The following CSMD2 variants were observed in gnomAD, a reference collection of about 807,000 sequenced individuals.
CSMD2 encodes the protein CUB and sushi domain-containing protein 2.
In CSMD2, 130 loss-of-function variants were observed where a neutral mutation model predicts 398.5. The ratio of observed to expected loss-of-function variants is 0.33; its 90% CI spans 0.28 to 0.38. The LOEUF is 0.38. Among genes scored for constraint, CSMD2 ranks in the 10% least tolerant of loss-of-function variants. CSMD2 has a pLI of 1.00. For missense variants in CSMD2, 3,829 were observed against 4,764.9 expected (o/e 0.80, Z 5.78); for synonymous variants, 1,828 against 1,908.5 (o/e 0.96, Z 1.10).
intron 3 of CSMD2, among the ~76,000 whole-genome samples, chr1:34,002,871 G>A (rs1189464428): frequency 6.6e-6 from 1 of 152,212 alleles, no homozygotes; most frequent in African/African-American, 2.4e-5. Context: ...TTTGCAAACA[G>A]TATTTGTAAT....
rs772494513 is a variant in CSMD2 at position 33,519,973 on chromosome 1, A to G, written c.10598-23T>C. Reference sequence around the variant, plus strand: ...GGTCTGTAAAGTCCCAAAGCAGAAAAGTCAAGTCACGAGACACAGTCTGAG... The same window carrying G: ...GGTCTGTAAAGTCCCAAAGCAGAAAGGTCAAGTCACGAGACACAGTCTGAG... On this transcript the variant is annotated intron_variant, in intron 68 of 70. Transcript: ENST00000373381. The surrounding 1 kb of genome is among the most constrained non-coding windows in gnomAD (Gnocchi z 5.6). 2.5e-6 allele frequency: 4 copies of G among 1,612,654 alleles called. No individual in the cohort carries two copies. The African/African-American group carries it at 5.3e-5, about 22-fold the overall frequency.
intron 22 of CSMD2, among the ~76,000 whole-genome samples, chr1:33,706,424 T>G (rs1461991216): frequency 6.6e-6 from 1 of 152,178 alleles, no homozygotes; most frequent in Non-Finnish European, 1.5e-5. Context: ...CTATTCAATC[T>G]CTCCTCATCT....
At chr1:33,771,628 C>T (rs1246637601) in intron 13 of CSMD2, among the ~76,000 whole-genome samples, 1 of 152,030 alleles carries the variant, frequency 6.6e-6, no homozygotes, top group Non-Finnish European at 1.5e-5. Flanking sequence ...TCAGTCATCA[C>T]AGAGACCCTG....
intron 28 of CSMD2, among the ~76,000 whole-genome samples, chr1:33,650,392 TG>T (rs1224876238): frequency 6.6e-6 from 1 of 152,068 alleles, no homozygotes; most frequent in Non-Finnish European, 1.5e-5. Context: ...AACTGAGTCT[TG>T]GGAGATGAGA....
At chr1:33,792,788 G>A (rs764597953) in intron 10 of CSMD2, among the ~76,000 whole-genome samples, 2 of 152,116 alleles carry the variant, frequency 1.3e-5, no homozygotes, top group African/African-American at 2.4e-5. Flanking sequence ...CACAGCAACC[G>A]GGCACATCTG....
intron 2 of CSMD2, among the ~76,000 whole-genome samples, chr1:34,064,559 C>T (rs1394205361): frequency 1.3e-5 from 2 of 152,190 alleles, no homozygotes; most frequent in Non-Finnish European, 2.9e-5. Context: ...CCCTACTGTT[C>T]ATATCACTGT....
At chr1:33,676,997 C>A (rs1016660906) in intron 25 of CSMD2, among the ~76,000 whole-genome samples, 1 of 152,074 alleles carries the variant, frequency 6.6e-6, no homozygotes, top group Non-Finnish European at 1.5e-5. Flanking sequence ...GACCTAAAAC[C>A]ATAAAAACCC....
intron 49 of CSMD2, among the ~76,000 whole-genome samples, chr1:33,574,365 A>G (rs1251031069): frequency 6.6e-6 from 1 of 152,248 alleles, no homozygotes; most frequent in Non-Finnish European, 1.5e-5. Flanking sequence ...GGAATTACTT[A>G]GGCAAGAGTA....
chr1:33,881,909 C>T (rs1359367491), intron 5 of CSMD2, among the ~76,000 whole-genome samples: 1 of 151,988 alleles, frequency 6.6e-6, no homozygotes, highest in Admixed American at 6.6e-5. Context: ...TAATTTTAAT[C>T]CCCATGTGTT....
At chr1:34,149,242 G>A (rs1395137229) in intron 1 of CSMD2, among the ~76,000 whole-genome samples, 1 of 152,138 alleles carries the variant, frequency 6.6e-6, no homozygotes, top group African/African-American at 2.4e-5. Flanking sequence ...CACTGAGCTA[G>A]GGTCCTTCTA....
At chr1:33,737,950 A>G (rs1000731455) in intron 15 of CSMD2, among the ~76,000 whole-genome samples, 2 of 152,086 alleles carry the variant, frequency 1.3e-5, no homozygotes, top group African/African-American at 4.8e-5. Flanking sequence ...GAAAATACAA[A>G]GGCTCAAGGG....
At chr1:33,558,613 C>G (rs1012640377) in intron 54 of CSMD2, among the ~76,000 whole-genome samples, 2 of 152,098 alleles carry the variant, frequency 1.3e-5, no homozygotes, top group African/African-American at 4.8e-5. Flanking sequence ...CTTTGATAAG[C>G]CTTTAAGGAT....
rs369582523 is a variant in CSMD2, at chr1:34,093,445, C to T, written c.188-4252G>A. On this transcript the variant is annotated intron_variant, in intron 1 of 70. Transcript: ENST00000373381. ...CGAGCTGAGAGAAGAAGGCTTCAGA[C>T]GATCAAATTACTCTGAGCTACAGGA... Among the ~76,000 whole-genome samples, 9 of 152,182 alleles carry T rather than the reference C, an allele frequency of 5.9e-5. No homozygotes were observed. The East Asian group carries it at 7.7e-4, about 13-fold the overall frequency.
At chr1:33,587,774 T>C (rs992462680) in intron 44 of CSMD2, among the ~76,000 whole-genome samples, 6 of 152,216 alleles carry the variant, frequency 3.9e-5, no homozygotes, top group Admixed American at 6.5e-5. Context: ...TTCATCCCTA[T>C]GGGCAGAGAC....
At chr1:34,078,625 G>T (rs1315257968) in intron 2 of CSMD2, among the ~76,000 whole-genome samples, 1 of 152,142 alleles carries the variant, frequency 6.6e-6, no homozygotes, top group Non-Finnish European at 1.5e-5. Context: ...CCTTGTATGA[G>T]GTCATAGCAT....
intron 2 of CSMD2, among the ~76,000 whole-genome samples, chr1:34,047,714 G>A (rs1652691520): frequency 6.6e-6 from 1 of 152,194 alleles, no homozygotes; most frequent in Non-Finnish European, 1.5e-5. Context: ...TGATGCACCA[G>A]CCTGAGCTGA....
chr1:34,089,004 G>A lies in CSMD2; in HGVS notation c.377C>T (p.Pro126Leu). 2.5e-6 allele frequency: 4 copies of A among 1,613,890 alleles called. No homozygotes were observed. The highest frequency in any genetic ancestry group is 3.4e-6 in the Non-Finnish European group (4 of 1,180,002). Reference sequence around the variant, plus strand: ...CGTACGCAGATTCTCTGGCTGGGGTGGACCATCAAACACCGACAGGACATC... The same window carrying A: ...CGTACGCAGATTCTCTGGCTGGGGTAGACCATCAAACACCGACAGGACATC... ...DFDVLSVFDG[P>L]PQPENLRTRL... Residue 126 changes from proline to leucine, a missense_variant, in exon 2 of 71, where the codon CCA becomes CTA. By Grantham distance (98) the Pro-to-Leu change is moderately conservative. Transcript: ENST00000373381.
intron 25 of CSMD2, among the ~76,000 whole-genome samples, chr1:33,666,427 C>T (rs1323265375): frequency 6.6e-6 from 1 of 152,148 alleles, no homozygotes; most frequent in Non-Finnish European, 1.5e-5. Flanking sequence ...CTTCTTTGCA[C>T]ACCTCTTGTT....
At chr1:33,699,582 C>A (rs1348009860) in intron 23 of CSMD2, among the ~76,000 whole-genome samples, 1 of 152,218 alleles carries the variant, frequency 6.6e-6, no homozygotes, top group African/African-American at 2.4e-5. Flanking sequence ...TTCCACTGAA[C>A]CTCTTGCTGT....
Sources: gnomAD v4.1 joint callset for allele counts (sites outside exome capture counted in the v4.1 genomes callset) on GRCh38, gnomAD v4.1.1 for gene constraint, Gnocchi (gnomAD v3.1) non-coding constraint, MANE v1.5 for transcripts, NCBI Gene and HGNC (gene_info 2026-07-23, HGNC 2026-07-21) for gene names.